SPSB4: variants seen among roughly 807,000 people sequenced by gnomAD.
The protein encoded by SPSB4 is splA/ryanodine receptor domain and SOCS box containing 4.
Under a neutral mutation model 20.9 loss-of-function variants are expected in SPSB4, and 21 were observed. The ratio of observed to expected loss-of-function variants is 1.01; its 90% confidence interval spans 0.71 to 1.45. The LOEUF is 1.45. Ranked by LOEUF, SPSB4 falls within the 40% of genes most tolerant of loss-of-function variation. The pLI, the probability that SPSB4 is intolerant of heterozygous loss-of-function variation, is 0.00. For synonymous variants in SPSB4, 207 were observed against 183.8 expected (o/e 1.13, Z -1.02); for missense variants, 399 against 399.2 (o/e 1.00, Z 0.00).
At chr3:141,096,765 G>A (rs1423152687) in intron 2 of SPSB4, among the ~76,000 whole-genome samples, 1 of 152,176 alleles carries the variant, frequency 6.6e-6, no homozygotes, top group African/African-American at 2.4e-5. Context: ...TTTTTTGGTA[G>A]ATGTTTAATT....
chr3:141,144,541 T>C (rs1939381927), intron 2 of SPSB4, among the ~76,000 whole-genome samples: 1 of 152,230 alleles, frequency 6.6e-6, no homozygotes, highest in East Asian at 1.9e-4. Flanking sequence ...CTCTCCGAGC[T>C]CTTAAAGTTC....
rs181551314 is a variant in SPSB4 at position 141,119,987 on chromosome 3, G to A, written c.695-27155G>A. Reference sequence around the variant, plus strand: ...GAATTTGGTTGCTCTTGCCTCTCTAGTTCTTTTCATTGTGATGTTAGGGTG... The same window carrying A: ...GAATTTGGTTGCTCTTGCCTCTCTAATTCTTTTCATTGTGATGTTAGGGTG... On this transcript the variant is annotated intron_variant, in intron 2 of 2. Coordinates refer to ENST00000310546, the MANE Select transcript of SPSB4 (RefSeq NM_080862.3). Among the ~76,000 whole-genome samples, 433 of 152,170 alleles carry A rather than the reference G, an allele frequency of 2.8e-3. 10 individuals carry two copies. The highest frequency in any genetic ancestry group is 0.027 in the Admixed American group (406 of 15,282).
At chr3:141,079,105 C>T (rs1938173315) in intron 2 of SPSB4, among the ~76,000 whole-genome samples, 2 of 152,042 alleles carry the variant, frequency 1.3e-5, no homozygotes. Flanking sequence ...ACTAAAAATA[C>T]ACAAAAATAG....
Position 141,147,420 on chromosome 3 carries a change from C to A in SPSB4, c.*151C>A. The A allele has an allele frequency of 1.5e-6, 2 of 1,364,832 alleles. No individual in the cohort carries two copies. The highest frequency in any genetic ancestry group is 9.9e-7 in the Non-Finnish European group (1 of 1,011,404). 84.5% of individuals were successfully genotyped at this position (1,364,832 alleles called of 1,614,324 possible). On this transcript the variant is annotated 3_prime_UTR_variant, in exon 3 of 3. Coordinates refer to ENST00000310546, the MANE Select transcript of SPSB4 (RefSeq NM_080862.3). ...TCTTTCAAAGACCAGGATGTGGTAC[C>A]AACTTTGGAAACGAAAGGTCTCTTG...
chr3:141,092,708 G>A (rs562433986), intron 2 of SPSB4, among the ~76,000 whole-genome samples: 41 of 152,226 alleles, frequency 2.7e-4, no homozygotes, highest in African/African-American at 8.0e-4. Flanking sequence ...TGCTGAGGCC[G>A]GGTGAGCAGC....
intron 2 of SPSB4, among the ~76,000 whole-genome samples, chr3:141,079,045 A>G (rs926423771): frequency 6.6e-6 from 1 of 152,156 alleles, no homozygotes; most frequent in Admixed American, 6.5e-5. Flanking sequence ...GCGGATCACA[A>G]GGTCAGGAGA....
intron 2 of SPSB4, chr3:141,132,228 C>A: frequency 2.3e-6 from 1 of 426,780 alleles, no homozygotes; most frequent in Non-Finnish European, 4.6e-6. Context: ...AGTGCAGTGG[C>A]ACGATCTCGG....
At chr3:141,056,385 C>T (rs952500235) in intron 1 of SPSB4, among the ~76,000 whole-genome samples, 1 of 152,188 alleles carries the variant, frequency 6.6e-6, no homozygotes, top group Non-Finnish European at 1.5e-5. Context: ...GAGCAGCTCC[C>T]TCCCCGATCC....
chr3:141,121,873 C>G (rs192312724), intron 2 of SPSB4, among the ~76,000 whole-genome samples: 1 of 152,112 alleles, frequency 6.6e-6, no homozygotes, highest in Non-Finnish European at 1.5e-5. Context: ...TCCTTTAGCT[C>G]GGAGAAGTTT....
intron 2 of SPSB4, among the ~76,000 whole-genome samples, chr3:141,135,649 A>C (rs1306829617): frequency 6.6e-6 from 1 of 151,948 alleles, no homozygotes; most frequent in Non-Finnish European, 1.5e-5. Context: ...AGCTTCATCC[A>C]TTTCCCTACA....
Position 141,066,498 on chromosome 3 carries a change from C to A in SPSB4, c.394C>A (p.Leu132Met). The change falls in exon 2 of 3, where the codon CTG (leucine) becomes ATG (methionine). Residue 132 changes from leucine (L) to methionine (M), a missense_variant. Physicochemically the swap from Leu to Met is conservative, Grantham distance 15. Transcript: ENST00000310546. The stretch of plus-strand genomic sequence containing the variant: ...CCTGCACTCCGTGGGCTACACGGCG[C>A]TGGTAGGCAGTGACGCCGAGTCGTG... The part of the protein sequence containing the change: ...APLHSVGYTA[L>M]VGSDAESWGW... 1.3e-6 allele frequency: 2 copies of A among 1,502,810 alleles called. No homozygotes were observed. Among genetic ancestry groups the A allele is most frequent in the South Asian group, 1.3e-5 (1 of 75,928 alleles). 93.1% of individuals were successfully genotyped at this position (1,502,810 alleles called of 1,614,324 possible).
chr3:141,056,123 T>C (rs1937633975), intron 1 of SPSB4, among the ~76,000 whole-genome samples: 1 of 152,130 alleles, frequency 6.6e-6, no homozygotes, highest in Admixed American at 6.5e-5. Context: ...GCTGCTGTGG[T>C]AAGCTCTACA....
intron 2 of SPSB4, among the ~76,000 whole-genome samples, chr3:141,107,468 T>C (rs1938716953): frequency 6.6e-6 from 1 of 152,186 alleles, no homozygotes; most frequent in Non-Finnish European, 1.5e-5. Context: ...GTCCCCACTA[T>C]GTGTCCATCC....
intron 2 of SPSB4, among the ~76,000 whole-genome samples, chr3:141,125,036 G>C (rs1160109852): frequency 6.6e-6 from 1 of 152,106 alleles, no homozygotes. Context: ...ATTTGGATAA[G>C]GAGTTAAGTA....
chr3:141,147,032 C>T, intron 2 of SPSB4, 110 bp from the exon 3 acceptor site: 3 of 1,487,742 alleles, frequency 2.0e-6, no homozygotes, highest in Non-Finnish European at 2.7e-6. Flanking sequence ...GCCATTGACC[C>T]TGAAGGCCAG....
At chr3:141,130,665 G>A (rs971403912) in intron 2 of SPSB4, among the ~76,000 whole-genome samples, 2 of 152,234 alleles carry the variant, frequency 1.3e-5, no homozygotes, top group East Asian at 3.9e-4. Flanking sequence ...CTCACTGCAG[G>A]CAGAGAAGAC....
intron 1 of SPSB4, among the ~76,000 whole-genome samples, chr3:141,058,262 C>T (rs933065405): frequency 3.3e-5 from 5 of 152,160 alleles, no homozygotes; most frequent in African/African-American, 1.2e-4. Context: ...GTGGCATTGC[C>T]ACTTCATGTC....
At chr3:141,115,800 C>T (rs1263517962) in intron 2 of SPSB4, among the ~76,000 whole-genome samples, 3 of 152,154 alleles carry the variant, frequency 2.0e-5, no homozygotes, top group African/African-American at 7.2e-5. Context: ...TTTTCCTCTT[C>T]TGGAGTATCT....
At chr3:141,113,543 G>T (rs62283596) in intron 2 of SPSB4, among the ~76,000 whole-genome samples, 13,487 of 152,138 alleles carry the variant, frequency 0.089, 704 homozygotes, top group East Asian at 0.14. Context: ...GATACAAAAG[G>T]TCTCATTATA....
Sources: allele counts gnomAD v4.1 joint callset (sites outside exome capture counted in the v4.1 genomes callset), GRCh38; gene constraint gnomAD v4.1.1; transcripts MANE v1.5; gene names NCBI Gene and HGNC (gene_info 2026-07-23, HGNC 2026-07-21).